Variants in LYSMD4 observed in about 807,000 individuals in gnomAD.
The protein encoded by LYSMD4 is lysM and putative peptidoglycan-binding domain-containing protein 4.
LYSMD4 carries 9 observed loss-of-function variants against 6.1 expected under a neutral mutation model. The ratio of observed to expected loss-of-function variants is 1.47; its 90% CI spans 0.88 to 2.56. LYSMD4 has a LOEUF of 2.56. Ranked by LOEUF, LYSMD4 falls within the 30% of genes most tolerant of loss-of-function variation. The probability of loss-of-function intolerance (pLI) is 0.00; values close to 1 mark genes in which losing one functional copy is unlikely to be tolerated. For synonymous variants in LYSMD4, 143 were observed against 148.5 expected (o/e 0.96, Z 0.27); for missense variants, 384 against 373.5 (o/e 1.03, Z -0.23).
Position 99,731,875 on chromosome 15 carries a change from T to G in LYSMD4, c.125A>C (p.Glu42Ala), listed in dbSNP as rs1416489624. The change falls in exon 2 of 3, where the codon GAG becomes GCG. Residue 42 changes from glutamate to alanine, a missense_variant. Coordinates refer to ENST00000684762, the MANE Select transcript of LYSMD4 (RefSeq NM_001284417.2). ...GGGCCGCAAAACCACACGGTGAGAC[T>G]CTTCTTCAGAAGAGTCCCCCGAGTC... Reference protein sequence around the residue: ...SGDSGDSSEEESHRVVLRPRG... With the variant: ...SGDSGDSSEEASHRVVLRPRG... 6.2e-7 allele frequency: 1 copy of G among 1,613,604 alleles called. No individual in the cohort carries two copies. Among genetic ancestry groups the G allele is most frequent in the South Asian group, 1.1e-5 (1 of 91,076 alleles).
exon 1 of LYSMD4, chr15:99,716,492 C>G (rs1429077843): frequency 2.2e-6 from 1 of 456,810 alleles, no homozygotes; most frequent in Admixed American, 2.3e-5. Flanking sequence ...TCCTGTGCGT[C>G]GAGACTCTGT....
intron 2 of LYSMD4, chr15:99,731,145 G>A (rs1157511788): frequency 6.2e-7 from 1 of 1,604,836 alleles, no homozygotes; most frequent in Middle Eastern, 1.7e-4. Flanking sequence ...AGAAAATGCA[G>A]CAATTCTAGA....
At position 99,728,127 on chromosome 15, in the gene LYSMD4, A is replaced by T. The variant is rs1226767395; in HGVS notation, c.*996T>A. 6.6e-6 allele frequency: 1 copy of T among 152,326 alleles called. No individual in the cohort carries two copies. Among genetic ancestry groups the T allele is most frequent in the Non-Finnish European group, 1.5e-5 (1 of 68,096 alleles). The allele number at this position is 152,326 out of a possible 1,614,324, so 9.4% of individuals were successfully genotyped here. ...TGTGAGTTACATTGCATATAGTGTT[A>T]TTCTAAGGGCATCACCCAGAGAAAA... On this transcript the variant is annotated 3_prime_UTR_variant, in exon 3 of 3. Transcript: ENST00000684762.
chr15:99,729,494 C>A lies in LYSMD4; in HGVS notation c.520G>T (p.Asp174Tyr). ...GQLMGFFKGI[D>Y]QDIERAVQSE... ...TGCACTGCACGCTCAATATCCTGGT[C>A]AATCCCCTTAAAGAAGCCCATCAGT... Residue 174 changes from aspartate (D) to tyrosine (Y), a missense_variant, in exon 3 of 3, where the codon GAC becomes TAC. Transcript: ENST00000684762. 6.2e-7 allele frequency: 1 copy of A among 1,614,156 alleles called. No homozygotes were observed. The highest frequency in any genetic ancestry group is 1.7e-5 in the Admixed American group (1 of 60,028).
At chr15:99,732,613 T>C (rs188060640) in intron 1 of LYSMD4, among the ~76,000 whole-genome samples, 1 of 152,262 alleles carries the variant, frequency 6.6e-6, no homozygotes, top group East Asian at 1.9e-4. Context: ...TTTGCATTCA[T>C]TACATCCCCA....
intron 2 of LYSMD4, 138 bp downstream of exon 2, chr15:99,731,580 G>A: frequency 6.6e-7 from 1 of 1,526,296 alleles, no homozygotes; most frequent in East Asian, 2.3e-5. Context: ...GGCTAAATAG[G>A]GGAGTCCTTG....
chr15:99,717,329 T>A (rs2059194606), exon 1 of LYSMD4: 1 of 152,244 alleles, frequency 6.6e-6, no homozygotes. Flanking sequence ...GTATCCTGTT[T>A]TCAGGCCGAT....
upstream of LYSMD4, among the ~76,000 whole-genome samples, chr15:99,721,996 A>C (rs2059241104): frequency 6.6e-6 from 1 of 152,114 alleles, no homozygotes; most frequent in Admixed American, 6.6e-5. Flanking sequence ...GTGGGGGCAC[A>C]GTACTGGGGA....
At chr15:99,721,031 T>C (rs2059233557), upstream of LYSMD4, 1 of 152,196 alleles carries the variant, frequency 6.6e-6, no homozygotes, top group Non-Finnish European at 1.5e-5. Flanking sequence ...AGAACAAAAC[T>C]ACCACTGCCC....
In LYSMD4 at chr15:99,729,459, G is replaced by A. The variant is rs753374402; in HGVS notation, c.555C>T (p.Ile185=). 1 of 1,614,146 alleles carries A rather than the reference G, an allele frequency of 6.2e-7. No individual in the cohort carries two copies. Among genetic ancestry groups the A allele is most frequent in the Admixed American group, 1.7e-5 (1 of 60,026 alleles). Residue 185 remains isoleucine, a synonymous_variant, in exon 3 of 3, where the codon ATC becomes ATT. Transcript: ENST00000684762. ...QDIERAVQSE[I]FLHESYCMDT... ...CCATGCAGTAACTTTCATGTAGAAA[G>A]ATTTCTGACTGCACTGCACGCTCAA...
downstream of LYSMD4, among the ~76,000 whole-genome samples, chr15:99,724,772 G>A (rs1367607916): frequency 6.6e-6 from 1 of 152,208 alleles, no homozygotes; most frequent in African/African-American, 2.4e-5. Context: ...GTCTCCCCCA[G>A]GTGTGGTAAG....
upstream of LYSMD4, among the ~76,000 whole-genome samples, chr15:99,718,857 CCT>C (rs1444821281): frequency 6.6e-6 from 1 of 152,080 alleles, no homozygotes; most frequent in Non-Finnish European, 1.5e-5. Context: ...CAGGGTATCA[CCT>C]CTTTCGGACT....
chr15:99,732,051 A>G, intron 1 of LYSMD4, 44 bp from the exon 2 acceptor site: 1 of 1,504,874 alleles, frequency 6.6e-7, no homozygotes, highest in East Asian at 2.5e-5. Flanking sequence ...AGACATAATC[A>G]TCCCTCCACC....
chr15:99,716,356 T>C (rs1597372138), exon 1 of LYSMD4: 1 of 354,822 alleles, frequency 2.8e-6, no homozygotes, highest in African/African-American at 2.1e-5. Context: ...TCCCTGAATG[T>C]GTTGTTTTTC....
chr15:99,729,807 A>G, intron 2 of LYSMD4, 76 bp from the exon 3 acceptor site: 2 of 1,486,680 alleles, frequency 1.3e-6, no homozygotes, highest in Admixed American at 2.2e-5. Context: ...GTGGCTCTTA[A>G]TCTTTCTGGG....
chr15:99,732,486 T>A (rs1307190840), intron 1 of LYSMD4, among the ~76,000 whole-genome samples: 1 of 152,264 alleles, frequency 6.6e-6, no homozygotes, highest in African/African-American at 2.4e-5. Flanking sequence ...TGCTCAGAAC[T>A]GTGGGGCTAA....
intron 2 of LYSMD4, 67 bp downstream of exon 2, chr15:99,731,651 C>T (rs1293514803): frequency 1.3e-6 from 2 of 1,522,714 alleles, no homozygotes; most frequent in African/African-American, 1.4e-5. Context: ...CAAGGGCACC[C>T]ACCCTGCAGT....
At chr15:99,717,236 ATACTC>A (rs1217989517) in exon 1 of LYSMD4, 3 of 153,144 alleles carry the variant, frequency 2.0e-5, no homozygotes, top group African/African-American at 4.8e-5. Context: ...GTGGCTAAAA[ATACTC>A]TAATCACAGC....
Position 99,731,707 on chromosome 15 carries a change from G to A in LYSMD4, c.282+11C>T. ...AACGGAGCGGGGCAGGGCCCCTGAG[G>A]GGTGTCTTACTTTGCAGCCATACTG... On this transcript the variant is annotated intron_variant, in intron 2 of 2. Transcript: ENST00000684762. 6.3e-7 allele frequency: 1 copy of A among 1,575,906 alleles called. No individual in the cohort carries two copies. The highest frequency in any genetic ancestry group is 8.6e-7 in the Non-Finnish European group (1 of 1,162,036).
Sources: gnomAD v4.1 joint callset for allele counts (sites outside exome capture counted in the v4.1 genomes callset) on GRCh38, gnomAD v4.1.1 for gene constraint, MANE v1.5 for transcripts, NCBI Gene and HGNC (gene_info 2026-07-23, HGNC 2026-07-21) for gene names.